The following IGF2BP3 variants were observed in gnomAD, a reference collection of about 807,000 sequenced individuals.
IGF2BP3 encodes insulin like growth factor 2 mRNA binding protein 3, also known as insulin-like growth factor 2 mRNA-binding protein 3.
Under a neutral mutation model 73.8 loss-of-function variants are expected in IGF2BP3, and 9 were observed. The ratio of observed to expected loss-of-function variants is 0.12; its 90% confidence interval spans 0.07 to 0.21. The LOEUF (loss-of-function observed/expected upper bound fraction) is 0.21, where lower values mean the gene tolerates loss of function less well. Ranked by LOEUF, IGF2BP3 falls within the 10% of genes least tolerant of loss-of-function variation. IGF2BP3 has a pLI of 1.00. For missense variants in IGF2BP3, 542 were observed against 714.0 expected (o/e 0.76, Z 2.75); for synonymous variants, 258 against 256.7 (o/e 1.01, Z -0.05).
intron 3 of IGF2BP3, among the ~76,000 whole-genome samples, chr7:23,385,403 C>T (rs984748934): frequency 1.3e-5 from 2 of 152,146 alleles, no homozygotes; most frequent in South Asian, 2.1e-4. Context: ...AATACTGATG[C>T]CTGGATCCTA....
At chr7:23,382,243 A>G (rs1050645244) in intron 3 of IGF2BP3, among the ~76,000 whole-genome samples, 4 of 152,116 alleles carry the variant, frequency 2.6e-5, no homozygotes, top group Non-Finnish European at 4.4e-5. Flanking sequence ...TGCTGTTTTA[A>G]AAAAACAAAA....
At chr7:23,312,986 T>G (rs959919516) in intron 13 of IGF2BP3, 138 bp from the exon 14 acceptor site, 22 of 608,684 alleles carry the variant, frequency 3.6e-5, no homozygotes, top group East Asian at 2.6e-4. Flanking sequence ...ATGAGGTTAT[T>G]AGAATTATCC....
chr7:23,371,884 T>A (rs756322298), intron 3 of IGF2BP3, among the ~76,000 whole-genome samples: 3 of 152,140 alleles, frequency 2.0e-5, no homozygotes, highest in Non-Finnish European at 4.4e-5. Context: ...CACACTGGAC[T>A]CTCTGAGAGA....
chr7:23,381,360 A>G (rs774731277), intron 3 of IGF2BP3, among the ~76,000 whole-genome samples: 2 of 152,222 alleles, frequency 1.3e-5, no homozygotes, highest in Non-Finnish European at 2.9e-5. Flanking sequence ...GTGACTCTAA[A>G]GTCAGTGCTC....
intron 10 of IGF2BP3, among the ~76,000 whole-genome samples, chr7:23,336,748 G>C (rs112375777): frequency 0.018 from 2,795 of 152,216 alleles, 86 homozygotes; most frequent in African/African-American, 0.064. Flanking sequence ...AGGAATTCGA[G>C]ACCAGCCTGG....
intron 3 of IGF2BP3, among the ~76,000 whole-genome samples, chr7:23,401,238 T>A (rs1179730534): frequency 6.6e-6 from 1 of 152,160 alleles, no homozygotes; most frequent in African/African-American, 2.4e-5. Flanking sequence ...GTAGGACCCC[T>A]TCCCAGCAGT....
intron 3 of IGF2BP3, among the ~76,000 whole-genome samples, chr7:23,409,137 G>C (rs954520471): frequency 6.6e-6 from 1 of 152,176 alleles, no homozygotes; most frequent in Non-Finnish European, 1.5e-5. Context: ...AGGAGGTGAA[G>C]CTTAGGCAGT....
At chr7:23,330,726 A>C (rs1293861835) in intron 10 of IGF2BP3, among the ~76,000 whole-genome samples, 2 of 151,094 alleles carry the variant, frequency 1.3e-5, no homozygotes, top group African/African-American at 4.9e-5. Flanking sequence ...TTACTCAGGT[A>C]GTTCTTTATA....
intron 3 of IGF2BP3, among the ~76,000 whole-genome samples, chr7:23,368,815 T>G (rs1475484645): frequency 1.3e-5 from 2 of 151,656 alleles, no homozygotes. Flanking sequence ...GAGAATCACT[T>G]GAACCCAGGA....
intron 10 of IGF2BP3, among the ~76,000 whole-genome samples, chr7:23,336,444 A>T (rs1056348104): frequency 9.8e-5 from 14 of 143,352 alleles, no homozygotes; most frequent in African/African-American, 1.8e-4. Flanking sequence ...TTTCTAAACC[A>T]TTTTTTTTTT....
rs548369136 is a variant in IGF2BP3 at position 23,366,399 on chromosome 7, T to C, written c.286-4658A>G. ...GTGATCCACCCACCTTGGTCTCCCATAGTGATGGGATTACAGGTGTGAGCC... is the reference window on the plus strand; with the variant it reads ...GTGATCCACCCACCTTGGTCTCCCACAGTGATGGGATTACAGGTGTGAGCC... On this transcript the variant is annotated intron_variant, in intron 3 of 14. Coordinates refer to ENST00000258729, the MANE Select transcript of IGF2BP3 (RefSeq NM_006547.3). 3.7e-4 allele frequency among the ~76,000 whole-genome samples: 56 copies of C among 152,004 alleles called. 2 individuals carry two copies. The highest frequency in any genetic ancestry group is 3.6e-3 in the Admixed American group (55 of 15,252).
At chr7:23,338,069 T>C (rs867754141) in intron 10 of IGF2BP3, among the ~76,000 whole-genome samples, 15 of 152,120 alleles carry the variant, frequency 9.9e-5, no homozygotes, top group Middle Eastern at 3.2e-3. Flanking sequence ...TCCTGATACA[T>C]GTAGTATGCC....
intron 5 of IGF2BP3, among the ~76,000 whole-genome samples, chr7:23,356,027 A>G: frequency 6.6e-6 from 1 of 152,174 alleles, no homozygotes; most frequent in East Asian, 1.9e-4. Context: ...CTTGAGGAAG[A>G]GGGGGAAAGA....
At chr7:23,432,720 A>G (rs1787717020) in intron 2 of IGF2BP3, among the ~76,000 whole-genome samples, 1 of 151,076 alleles carries the variant, frequency 6.6e-6, no homozygotes, top group Non-Finnish European at 1.5e-5. Flanking sequence ...TGCCCATTGC[A>G]GCCTCAACCT....
At chr7:23,386,702 G>A (rs931903910) in intron 3 of IGF2BP3, among the ~76,000 whole-genome samples, 36 of 152,156 alleles carry the variant, frequency 2.4e-4, no homozygotes, top group African/African-American at 8.7e-4. Flanking sequence ...TTAAGTACGG[G>A]TTGTGCAAAG....
At chr7:23,341,051 T>C (rs1487773902) in intron 10 of IGF2BP3, among the ~76,000 whole-genome samples, 1 of 151,998 alleles carries the variant, frequency 6.6e-6, no homozygotes, top group Non-Finnish European at 1.5e-5. Context: ...GGTTTCACCA[T>C]GTTGGCCAGG....
At chr7:23,366,168 C>T (rs143552761) in intron 3 of IGF2BP3, among the ~76,000 whole-genome samples, 9 of 151,074 alleles carry the variant, frequency 6.0e-5, no homozygotes, top group African/African-American at 2.2e-4. Flanking sequence ...GACAGAGTCT[C>T]ACTCTATCAC....
rs1783810629 is a variant in IGF2BP3 at position 23,310,961 on chromosome 7, AGTTC to A, written c.*1397_*1400del. Reference sequence around the variant, plus strand: ...TTTGCTGTCAAGGAGTGAGCAAATGAGTTCGTTATCAAAGGTCATATGTTTTCAC... The same window carrying A: ...TTTGCTGTCAAGGAGTGAGCAAATGAGTTATCAAAGGTCATATGTTTTCAC... On this transcript the variant is annotated 3_prime_UTR_variant, in exon 15 of 15. Coordinates refer to ENST00000258729, the MANE Select transcript of IGF2BP3 (RefSeq NM_006547.3). 6.6e-6 allele frequency: 1 copy of A among 152,166 alleles called. No homozygotes were observed. The highest frequency in any genetic ancestry group is 1.5e-5 in the Non-Finnish European group (1 of 68,026). 9.4% of individuals were successfully genotyped at this position (152,166 alleles called of 1,614,324 possible). A position where few individuals can be genotyped will look rare whatever the true frequency, so the allele number is the denominator to read the frequency against.
intron 3 of IGF2BP3, among the ~76,000 whole-genome samples, chr7:23,404,759 G>C (rs948723712): frequency 6.6e-6 from 1 of 151,882 alleles, no homozygotes; most frequent in Non-Finnish European, 1.5e-5. Context: ...ACGGCAAGTG[G>C]GGGGTGGGGG....
Sources: allele counts gnomAD v4.1 joint callset (sites outside exome capture counted in the v4.1 genomes callset), GRCh38; gene constraint gnomAD v4.1.1; transcripts MANE v1.5; gene names NCBI Gene and HGNC (gene_info 2026-07-23, HGNC 2026-07-21).